SLC6A3: variants seen among roughly 807,000 people sequenced by gnomAD.
The protein encoded by SLC6A3 is sodium-dependent dopamine transporter.
Under a neutral mutation model 70.4 loss-of-function variants are expected in SLC6A3, and 19 were observed. The ratio of observed to expected loss-of-function variants is 0.27; its 90% CI spans 0.19 to 0.40. The LOEUF (loss-of-function observed/expected upper bound fraction) is 0.40, where lower values mean the gene tolerates loss of function less well. Among genes scored for constraint, SLC6A3 ranks in the 10% least tolerant of loss-of-function variants. The pLI is 1.00. For synonymous variants in SLC6A3, 368 were observed against 356.6 expected (o/e 1.03, Z -0.36); for missense variants, 613 against 838.5 (o/e 0.73, Z 3.32).
intron 4 of SLC6A3, among the ~76,000 whole-genome samples, chr5:1,431,300 C>T (rs1018076004): frequency 2.0e-5 from 3 of 152,166 alleles, no homozygotes; most frequent in African/African-American, 4.8e-5. Flanking sequence ...GGAGCTGGCA[C>T]GGGGCCCAAA....
Position 1,394,849 on chromosome 5 carries a change from GCAGA to G in SLC6A3, c.1840-95_1840-92del. The G allele has an allele frequency of 3.5e-6, 5 of 1,436,636 alleles. No homozygotes were observed. Among genetic ancestry groups the G allele is most frequent in the Non-Finnish European group, 3.9e-6 (4 of 1,020,076 alleles). 89.0% of individuals were successfully genotyped at this position (1,436,636 alleles called of 1,614,324 possible). On this transcript the variant is annotated intron_variant, in intron 14 of 14. Transcript: ENST00000270349. This position sits in a 1 kb window ranked among gnomAD's most constrained non-coding sequence, Gnocchi z 4.7. Reference sequence around the variant, plus strand: ...GGCTAAGAGCAGCTGAAGGCAGTGAGCAGACAGTTTGCAGCCTCCTGGCCATGTG... The same window carrying G: ...GGCTAAGAGCAGCTGAAGGCAGTGAGCAGTTTGCAGCCTCCTGGCCATGTG...
intron 6 of SLC6A3, 114 bp from the exon 7 acceptor site, chr5:1,416,315 A>G (rs879133407): frequency 9.1e-5 from 68 of 749,260 alleles, no homozygotes; most frequent in South Asian, 6.2e-4. Flanking sequence ...ACTCAACACC[A>G]TCCTCAAGAA....
rs1579729725 is a variant in SLC6A3, at chr5:1,443,258, A to T, written c.-45-16T>A. On this transcript the variant is annotated splice_polypyrimidine_tract_variant and intron_variant, in intron 1 of 14. Coordinates refer to ENST00000270349, the MANE Select transcript of SLC6A3 (RefSeq NM_001044.5). ...CCCTCTTGGTCTTCAGCCAATATGA[A>T]AAATAAACACACAACAGGAACGCAA... is the stretch of plus-strand genomic sequence containing the variant. 6.3e-7 allele frequency: 1 copy of T among 1,575,242 alleles called. No individual in the cohort carries two copies. Among genetic ancestry groups the T allele is most frequent in the East Asian group, 2.2e-5 (1 of 44,722 alleles).
At chr5:1,430,546 C>A (rs554028512) in intron 4 of SLC6A3, among the ~76,000 whole-genome samples, 1 of 152,324 alleles carries the variant, frequency 6.6e-6, no homozygotes, top group African/African-American at 2.4e-5. Context: ...AGCATCAGCC[C>A]TACTTTCTCC....
chr5:1,406,375 A>AC lies in SLC6A3; in HGVS notation c.1499-88_1499-87insG. On this transcript the variant is annotated intron_variant, in intron 11 of 14. Coordinates refer to ENST00000270349, the MANE Select transcript of SLC6A3 (RefSeq NM_001044.5). The surrounding 1 kb of genome is among the most constrained non-coding windows in gnomAD (Gnocchi z 8.8). Reference sequence around the variant, plus strand: ...CGTGTGGGGGTCCTCGCTGACTCCCAAGGGCCCCACCTACCGGCCCCAGGC... The same window carrying AC: ...CGTGTGGGGGTCCTCGCTGACTCCCACAGGGCCCCACCTACCGGCCCCAGGC... The AC allele has an allele frequency of 8.6e-7, 1 of 1,168,816 alleles. No homozygotes were observed. The highest frequency in any genetic ancestry group is 1.3e-6 in the Non-Finnish European group (1 of 776,674). 72.4% of individuals were successfully genotyped at this position (1,168,816 alleles called of 1,614,324 possible).
At chr5:1,430,510 A>C (rs1180918829) in intron 4 of SLC6A3, among the ~76,000 whole-genome samples, 1 of 152,148 alleles carries the variant, frequency 6.6e-6, no homozygotes, top group African/African-American at 2.4e-5. Context: ...ACGCCTGCCC[A>C]CCATGAGAAC....
chr5:1,406,079 G>A lies in SLC6A3; in HGVS notation c.1599+109C>T, dbSNP rs578188324. The A allele has an allele frequency of 6.2e-6, 5 of 802,936 alleles. No homozygotes were observed. In the East Asian group the frequency reaches 1.0e-4, roughly 16 times the overall value. 49.7% of individuals were successfully genotyped at this position (802,936 alleles called of 1,614,324 possible). ...TTCTGGGCCGAGTCTTGAGGCCCCT[G>A]ACTCCAGCCACAGTGACAACCCACA... On this transcript the variant is annotated intron_variant, in intron 12 of 14. Coordinates refer to ENST00000270349, the MANE Select transcript of SLC6A3 (RefSeq NM_001044.5). This position sits in a 1 kb window ranked among gnomAD's most constrained non-coding sequence, Gnocchi z 8.8.
chr5:1,423,810 G>A (rs181581841), intron 4 of SLC6A3, among the ~76,000 whole-genome samples: 16 of 152,328 alleles, frequency 1.1e-4, no homozygotes, highest in Non-Finnish European at 2.1e-4. Context: ...CAGCCGTGCC[G>A]CTGCCACCGT....
intron 8 of SLC6A3, among the ~76,000 whole-genome samples, chr5:1,412,054 C>T (rs1016931457): frequency 1.7e-4 from 26 of 152,222 alleles, no homozygotes; most frequent in Admixed American, 1.5e-3. Context: ...AAATCACACA[C>T]GTCCACACTA....
chr5:1,427,509 T>C (rs1286248668), intron 4 of SLC6A3, among the ~76,000 whole-genome samples: 1 of 152,182 alleles, frequency 6.6e-6, no homozygotes, highest in African/African-American at 2.4e-5. Flanking sequence ...ATGAAAGACT[T>C]AAAGCCAGCC....
rs980771276 is a variant in SLC6A3 at position 1,402,664 on chromosome 5, GCACACACAGA to G, written c.1767+248_1767+257del. Among the ~76,000 whole-genome samples, 2 of 152,086 alleles carry G rather than the reference GCACACACAGA, an allele frequency of 1.3e-5. No homozygotes were observed. Among genetic ancestry groups the G allele is most frequent in the African/African-American group, 4.8e-5 (2 of 41,404 alleles). Reference sequence around the variant, plus strand: ...CAGGCACAAGCACACACAGACACATGCACACACAGACACACACAGACATGTGGACATACTT... The same window carrying G: ...CAGGCACAAGCACACACAGACACATGCACACACAGACATGTGGACATACTT... On this transcript the variant is annotated intron_variant, in intron 13 of 14. Coordinates refer to ENST00000270349, the MANE Select transcript of SLC6A3 (RefSeq NM_001044.5). This position sits in a 1 kb window ranked among gnomAD's most constrained non-coding sequence, Gnocchi z 8.5.
rs1438306278 is a variant in SLC6A3 at position 1,411,019 on chromosome 5, C to T, written c.1269+224G>A. 2.0e-5 allele frequency among the ~76,000 whole-genome samples: 3 copies of T among 151,998 alleles called. No individual in the cohort carries two copies. Among genetic ancestry groups the T allele is most frequent in the Non-Finnish European group, 1.5e-5 (1 of 67,990 alleles). On this transcript the variant is annotated intron_variant, in intron 9 of 14. Transcript: ENST00000270349. This position sits in a 1 kb window ranked among gnomAD's most constrained non-coding sequence, Gnocchi z 6.5. ...TGGCTCAGGGCAGGGCACACAGGTACCCCAGAGTAGGGGGATAAAGGGAAA... is the reference window on the plus strand; with the variant it reads ...TGGCTCAGGGCAGGGCACACAGGTATCCCAGAGTAGGGGGATAAAGGGAAA...
chr5:1,409,713 G>A lies in SLC6A3; in HGVS notation c.1398+8C>T, dbSNP rs1348306522. 8 of 1,613,120 alleles carry A rather than the reference G, an allele frequency of 5.0e-6. No homozygotes were observed. Among genetic ancestry groups the A allele is most frequent in the Non-Finnish European group, 4.2e-6 (5 of 1,180,022 alleles). ...CCAGGAGAAGGCGAAGCCGGCGATGGTACGTACGTTGGTGACGCAGAACAG... is the reference window on the plus strand; with the variant it reads ...CCAGGAGAAGGCGAAGCCGGCGATGATACGTACGTTGGTGACGCAGAACAG... On this transcript the variant is annotated splice_region_variant and intron_variant, in intron 10 of 14. Coordinates refer to ENST00000270349, the MANE Select transcript of SLC6A3 (RefSeq NM_001044.5).
chr5:1,403,001 A>G lies in SLC6A3; in HGVS notation c.1688T>C (p.Val563Ala). The G allele has an allele frequency of 6.2e-7, 1 of 1,613,952 alleles. No individual in the cohort carries two copies. Among genetic ancestry groups the G allele is most frequent in the East Asian group, 2.2e-5 (1 of 44,870 alleles). The stretch of plus-strand genomic sequence containing the variant: ...CATGGCCATGGAGGATGTGGCGATG[A>G]CCCAGCCCAGCGCGTTGGCCCAGTC... Reference protein sequence around the residue: ...FPDWANALGWVIATSSMAMVP... With the variant: ...FPDWANALGWAIATSSMAMVP... Residue 563 changes from valine to alanine, a missense_variant, in exon 13 of 15, where the codon GTC becomes GCC. Physicochemically the swap from Val to Ala is moderately conservative, Grantham distance 64. Transcript: ENST00000270349.
In SLC6A3 at chr5:1,441,866, G is replaced by A. The variant is rs73031822; in HGVS notation, c.287-376C>T. ...TGCCCTGATCCTCTTTGCCTCTTGA[G>A]TTGTGAATCTGTGACCCCCCAACTC... is the stretch of plus-strand genomic sequence containing the variant. On this transcript the variant is annotated intron_variant, in intron 2 of 14. Coordinates refer to ENST00000270349, the MANE Select transcript of SLC6A3 (RefSeq NM_001044.5). 1.5e-3 allele frequency among the ~76,000 whole-genome samples: 235 copies of A among 152,264 alleles called. 2 individuals carry two copies. Among genetic ancestry groups the A allele is most frequent in the African/African-American group, 5.4e-3 (224 of 41,556 alleles).
rs1756438145 is a variant in SLC6A3 at position 1,421,632 on chromosome 5, G to A, written c.792+244C>T. ...CACCCATGGCCGCGCGTCTACCCAA[G>A]CCAACCCGGCACAGCCACAGGTGTA... On this transcript the variant is annotated intron_variant, in intron 5 of 14. Transcript: ENST00000270349. The surrounding 1 kb of genome is among the most constrained non-coding windows in gnomAD (Gnocchi z 7.2). 1.3e-5 allele frequency among the ~76,000 whole-genome samples: 2 copies of A among 151,860 alleles called. No homozygotes were observed. Among genetic ancestry groups the A allele is most frequent in the South Asian group, 4.1e-4 (2 of 4,822 alleles).
chr5:1,421,228 A>C lies in SLC6A3; in HGVS notation c.793-525T>G, dbSNP rs374982182. On this transcript the variant is annotated intron_variant, in intron 5 of 14. Transcript: ENST00000270349. The surrounding 1 kb of genome is among the most constrained non-coding windows in gnomAD (Gnocchi z 7.2). ...GTTTTGCTCTTTTTGCCCAGGCTGG[A>C]GTGCAGTGGCATGATCTTGGCTCAC... Among the ~76,000 whole-genome samples, 57 of 146,960 alleles carry C rather than the reference A, an allele frequency of 3.9e-4. No individual in the cohort carries two copies. The East Asian group carries it at 6.8e-3, about 18-fold the overall frequency.
At position 1,437,269 on chromosome 5, in the gene SLC6A3, AAAG is replaced by A. The variant is rs1367801285; in HGVS notation, c.418+4087_418+4089del. Among the ~76,000 whole-genome samples, 3 of 151,664 alleles carry A rather than the reference AAAG, an allele frequency of 2.0e-5. No individual in the cohort carries two copies. Among genetic ancestry groups the A allele is most frequent in the African/African-American group, 7.3e-5 (3 of 41,276 alleles). The stretch of plus-strand genomic sequence containing the variant: ...CGTCTCACAAAAAAAAAAAAAAAGA[AAAG>A]AAAAGAAAAGAAAGAGGGGAGAGGA... On this transcript the variant is annotated intron_variant, in intron 3 of 14. Transcript: ENST00000270349. The surrounding 1 kb of genome is among the most constrained non-coding windows in gnomAD (Gnocchi z 4.8).
Position 1,402,829 on chromosome 5 carries a change from G to T in SLC6A3, c.1767+93C>A. On this transcript the variant is annotated intron_variant, in intron 13 of 14. Transcript: ENST00000270349. The surrounding 1 kb of genome is among the most constrained non-coding windows in gnomAD (Gnocchi z 8.5). Reference sequence around the variant, plus strand: ...CAGTCTCCTCCTCTTGGTCACAGATGACCCAGGCAGGTGAGGACTGGGGCC... The same window carrying T: ...CAGTCTCCTCCTCTTGGTCACAGATTACCCAGGCAGGTGAGGACTGGGGCC... 1.5e-6 allele frequency: 2 copies of T among 1,294,644 alleles called. No homozygotes were observed. The highest frequency in any genetic ancestry group is 2.5e-5 in the South Asian group (2 of 80,036). The allele number at this position is 1,294,644 out of a possible 1,614,324, so 80.2% of individuals were successfully genotyped here.
Sources: gnomAD v4.1 joint callset for allele counts (sites outside exome capture counted in the v4.1 genomes callset) on GRCh38, gnomAD v4.1.1 for gene constraint, Gnocchi (gnomAD v3.1) non-coding constraint, MANE v1.5 for transcripts, NCBI Gene and HGNC (gene_info 2026-07-23, HGNC 2026-07-21) for gene names.